The following VWCE variants were observed in gnomAD, a reference collection of about 807,000 sequenced individuals.
VWCE encodes the protein von Willebrand factor C and EGF domain-containing protein.
A neutral mutation model predicts 102.9 loss-of-function variants in VWCE; 68 were observed. That is an observed-to-expected ratio of 0.66 (90% CI 0.54 to 0.81). The LOEUF (loss-of-function observed/expected upper bound fraction) is 0.81. VWCE is among the 30% of genes least tolerant of loss of function. The pLI, the probability that VWCE is intolerant of heterozygous loss-of-function variation, is 0.00. For synonymous variants in VWCE, 497 were observed against 515.4 expected (o/e 0.96, Z 0.48); for missense variants, 1,137 against 1,263.6 (o/e 0.90, Z 1.52).
chr11:61,278,827 T>C (rs921305439), intron 9 of VWCE, among the ~76,000 whole-genome samples: 2 of 151,756 alleles, frequency 1.3e-5, no homozygotes, highest in African/African-American at 4.8e-5. Flanking sequence ...GACCACAAGG[T>C]CAGGAGTTTG....
Position 61,281,160 on chromosome 11 carries a change from A to G in VWCE, c.863T>C (p.Leu288Pro), listed in dbSNP as rs777139290. 1.2e-6 allele frequency: 2 copies of G among 1,613,686 alleles called. No homozygotes were observed. The highest frequency in any genetic ancestry group is 1.7e-5 in the Admixed American group (1 of 60,022). The change falls in exon 8 of 20, where the codon CTT (leucine) becomes CCT (proline). Residue 288 changes from leucine to proline, a missense_variant. Leu to Pro is a moderately conservative substitution (Grantham distance 98). Coordinates refer to ENST00000335613, the MANE Select transcript of VWCE (RefSeq NM_152718.2). ...CAGGGCAGGCCGGCCGGCCTCAGGA[A>G]GCAACAGAAGCATCTTGGACGGGTG... is the stretch of plus-strand genomic sequence containing the variant. Reference protein sequence around the residue: ...RQHPSKMLLLLPEAGRPALSP... With the variant: ...RQHPSKMLLLPPEAGRPALSP...
At chr11:61,289,476 C>A (rs1240702923) in intron 4 of VWCE, among the ~76,000 whole-genome samples, 1 of 151,962 alleles carries the variant, frequency 6.6e-6, no homozygotes, top group African/African-American at 2.4e-5. Context: ...TCTTGAACTC[C>A]TGACCTCAAG....
At chr11:61,286,607 GC>G (rs1377947151) in intron 4 of VWCE, among the ~76,000 whole-genome samples, 177 bp from the exon 5 acceptor site, 3 of 151,794 alleles carry the variant, frequency 2.0e-5, no homozygotes, top group Admixed American at 2.0e-4. Flanking sequence ...TTCAAGACCA[GC>G]CTGACCAACA....
chr11:61,278,542 G>A (rs995400615), intron 9 of VWCE, 66 bp from the exon 10 acceptor site: 20 of 1,450,458 alleles, frequency 1.4e-5, no homozygotes, highest in South Asian at 4.6e-5. Context: ...TTGAGGTCTC[G>A]CTGCTTCTCC....
chr11:61,277,859 G>A (rs1323974070), intron 10 of VWCE, among the ~76,000 whole-genome samples: 11 of 151,618 alleles, frequency 7.3e-5, no homozygotes, highest in Non-Finnish European at 1.6e-4. Context: ...TTTTTTTTAA[G>A]ACAGAGGCTC....
At chr11:61,284,303 G>GAGAT in intron 5 of VWCE, among the ~76,000 whole-genome samples, 1 of 152,290 alleles carries the variant, frequency 6.6e-6, no homozygotes, top group African/African-American at 2.4e-5. Flanking sequence ...CAATAAAATG[G>GAGAT]AGATAGATAA....
intron 14 of VWCE, among the ~76,000 whole-genome samples, chr11:61,270,253 G>A (rs956724631): frequency 2.6e-5 from 4 of 152,116 alleles, no homozygotes; most frequent in African/African-American, 7.2e-5. Context: ...GCTCATCGAA[G>A]GCACTAGAAG....
chr11:61,294,959 T>G lies in VWCE; in HGVS notation c.79A>C (p.Arg27=). The change falls in exon 1 of 20, where the codon AGG becomes CGG. Residue 27 remains arginine, a synonymous_variant. Transcript: ENST00000335613. The surrounding 1 kb of genome is among the most constrained non-coding windows in gnomAD (Gnocchi z 6.3). The stretch of plus-strand genomic sequence containing the variant: ...GCCGCGAAGTGCCCGGGCGGCTTCC[T>G]CCCGGTGTAGCCTCGGGCTGGTGCC... The part of the protein sequence containing the change: ...PGAPARGYTG[R]KPPGHFAAER... 1 of 1,460,838 alleles carries G rather than the reference T, an allele frequency of 6.8e-7. No homozygotes were observed. The highest frequency in any genetic ancestry group is 2.2e-5 in the Admixed American group (1 of 44,822). 90.5% of individuals were successfully genotyped at this position (1,460,838 alleles called of 1,614,324 possible).
chr11:61,287,583 T>TCCA (rs1855374296), intron 4 of VWCE, among the ~76,000 whole-genome samples: 1 of 152,210 alleles, frequency 6.6e-6, no homozygotes, highest in Admixed American at 6.5e-5. Context: ...GTTCACGGTC[T>TCCA]GATAACACAG....
intron 5 of VWCE, 148 bp downstream of exon 5, chr11:61,286,166 C>T: frequency 1.2e-6 from 1 of 801,722 alleles, no homozygotes; most frequent in Non-Finnish European, 2.1e-6. Flanking sequence ...CAGACAGGAA[C>T]CATAATAGCA....
intron 19 of VWCE, among the ~76,000 whole-genome samples, chr11:61,262,247 C>T (rs891277066): frequency 6.6e-6 from 1 of 152,180 alleles, no homozygotes; most frequent in East Asian, 1.9e-4. Context: ...AGCCACCACG[C>T]CAGACCTGGA....
In VWCE at chr11:61,281,099, C is replaced by T; in HGVS notation, c.924G>A (p.Gly308=). ...PGHSPPSGAP[G]PPAGVRTTRL... ...GGGTGGTCCTGACTCCGGCTGGGGG[C>T]CCTGGAGCCCCAGAAGGAGGGCTAT... The change falls in exon 8 of 20, where the codon GGG becomes GGA. Residue 308 remains glycine, a synonymous_variant. Coordinates refer to ENST00000335613, the MANE Select transcript of VWCE (RefSeq NM_152718.2). 6.2e-7 allele frequency: 1 copy of T among 1,610,122 alleles called. No homozygotes were observed. The highest frequency in any genetic ancestry group is 8.5e-7 in the Non-Finnish European group (1 of 1,177,968).
rs773111168 is a variant in VWCE, at chr11:61,265,001, C to T, written c.2094G>A (p.Gln698=). 2 of 1,614,162 alleles carry T rather than the reference C, an allele frequency of 1.2e-6. No homozygotes were observed. The highest frequency in any genetic ancestry group is 1.7e-6 in the Non-Finnish European group (2 of 1,180,044). ...AGGGTTCATCATCCAAGGTGAACAC[C>T]TGGCCATTCGCCACCTTCCTTCCCT... ...NYEGRKVANG[Q]VFTLDDEPCT... Residue 698 remains glutamine (Q), a synonymous_variant, in exon 18 of 20, where the codon CAG becomes CAA. Transcript: ENST00000335613.
Position 61,273,196 on chromosome 11 carries a change from C to T in VWCE, c.1699+3G>A. 6.2e-7 allele frequency: 1 copy of T among 1,613,956 alleles called. No homozygotes were observed. Among genetic ancestry groups the T allele is most frequent in the Non-Finnish European group, 8.5e-7 (1 of 1,179,924 alleles). On this transcript the variant is annotated splice_donor_region_variant and intron_variant, in intron 13 of 19. Transcript: ENST00000335613. ...GTGTCGGGGCAGCCCTGGACCAGCT[C>T]ACCTGTCGAGGGTGTGGGCTCCTGG...
At position 61,268,991 on chromosome 11, in the gene VWCE, T is replaced by A; in HGVS notation, c.1813A>T (p.Thr605Ser). ...TGAGGGCAGGAGTCCACACAGTCTGTCCTCTTGCAGCTCACCGAGCCATCT... is the reference window on the plus strand; with the variant it reads ...TGAGGGCAGGAGTCCACACAGTCTGACCTCTTGCAGCTCACCGAGCCATCT... ...QADGSVSCKR[T>S]DCVDSCPHPI... The change falls in exon 15 of 20, where the codon ACA becomes TCA. Residue 605 changes from threonine to serine, a missense_variant. By Grantham distance (58) the Thr-to-Ser change is moderately conservative (BLOSUM62 1). Around this residue, in one of 5 missense-constraint regions of VWCE, gnomAD observed 212 missense variants for 235.1 expected, o/e 0.90. Coordinates refer to ENST00000335613, the MANE Select transcript of VWCE (RefSeq NM_152718.2). 3 of 1,613,990 alleles carry A rather than the reference T, an allele frequency of 1.9e-6. No homozygotes were observed. The highest frequency in any genetic ancestry group is 2.5e-6 in the Non-Finnish European group (3 of 1,180,002).
rs1854403647 is a variant in VWCE at position 61,263,045 on chromosome 11, G to A, written c.2230+1442C>T. ...TAAAAGAAGGAAATTACAGGCTCAC[G>A]CCTGTAATCCCAGTGCCTTGGGAGG... On this transcript the variant is annotated intron_variant, in intron 19 of 19. Transcript: ENST00000335613. Among the ~76,000 whole-genome samples, 4 of 152,196 alleles carry A rather than the reference G, an allele frequency of 2.6e-5. No homozygotes were observed. The South Asian group carries it at 6.2e-4, about 24-fold the overall frequency.
In VWCE at chr11:61,295,054, T is replaced by C; in HGVS notation, c.-17A>G. On this transcript the variant is annotated 5_prime_UTR_variant, in exon 1 of 20. Transcript: ENST00000335613. This position sits in a 1 kb window ranked among gnomAD's most constrained non-coding sequence, Gnocchi z 4.6. ...GGCCCACATGACCGGCGGCGGCGGG[T>C]CCCCCGGGCTGGGCTCGGCTCCTGC... 7.4e-7 allele frequency: 1 copy of C among 1,347,400 alleles called. No homozygotes were observed. The highest frequency in any genetic ancestry group is 9.6e-7 in the Non-Finnish European group (1 of 1,046,226). The allele number at this position is 1,347,400 out of a possible 1,614,324, so 83.5% of individuals were successfully genotyped here.
At chr11:61,276,944 A>C in intron 10 of VWCE, among the ~76,000 whole-genome samples, 1 of 87,440 alleles carries the variant, frequency 1.1e-5, no homozygotes, top group African/African-American at 4.6e-5. Context: ...GAAGACAGGG[A>C]AGGGGAGGGG....
intron 4 of VWCE, among the ~76,000 whole-genome samples, chr11:61,287,916 G>T (rs1855383666): frequency 6.6e-6 from 1 of 152,078 alleles, no homozygotes; most frequent in Non-Finnish European, 1.5e-5. Flanking sequence ...AGCACTCTGG[G>T]AGGCCGAGGT....
Sources: gnomAD v4.1 joint callset for allele counts (sites outside exome capture counted in the v4.1 genomes callset) on GRCh38, gnomAD v4.1.1 for gene constraint, gnomAD v4.1.1 regional missense constraint, Gnocchi (gnomAD v3.1) non-coding constraint, MANE v1.5 for transcripts, NCBI Gene and HGNC (gene_info 2026-07-23, HGNC 2026-07-21) for gene names.